PALM2AKAP2: variants seen among roughly 807,000 people sequenced by gnomAD.
The protein encoded by PALM2AKAP2 is PALM2-AKAP2 fusion protein.
A neutral mutation model predicts 71.5 loss-of-function variants in PALM2AKAP2; 37 were observed. The ratio of observed to expected loss-of-function variants is 0.52; its 90% CI spans 0.40 to 0.68. The LOEUF is 0.68. PALM2AKAP2 is among the 30% of genes least tolerant of loss of function. The pLI, the probability that PALM2AKAP2 is intolerant of heterozygous loss-of-function variation, is 0.00. For missense variants in PALM2AKAP2, 1,224 were observed against 1,191.8 expected (o/e 1.03, Z -0.40); for synonymous variants, 468 against 478.8 (o/e 0.98, Z 0.29).
intron 1 of PALM2AKAP2, among the ~76,000 whole-genome samples, chr9:110,061,438 T>C (rs1250127375): frequency 6.6e-6 from 1 of 151,976 alleles, no homozygotes; most frequent in African/African-American, 2.4e-5. Context: ...TTTTTATGTG[T>C]TTTCAGTGAG....
At chr9:109,960,050 C>A (rs72754914) in intron 6 of PALM2AKAP2, among the ~76,000 whole-genome samples, 14,309 of 152,222 alleles carry the variant, frequency 0.094, 811 homozygotes, top group East Asian at 0.16. Flanking sequence ...CCATCACCCC[C>A]CTCCGCGAAA....
chr9:109,720,248 C>A (rs954150984), intron 1 of PALM2AKAP2, among the ~76,000 whole-genome samples: 10 of 152,158 alleles, frequency 6.6e-5, no homozygotes, highest in Non-Finnish European at 1.3e-4. Context: ...CTTGGCTTCC[C>A]AAAGTGCTGG....
intron 1 of PALM2AKAP2, among the ~76,000 whole-genome samples, chr9:109,827,519 A>C (rs1024936317): frequency 1.3e-5 from 2 of 152,002 alleles, no homozygotes; most frequent in Non-Finnish European, 2.9e-5. Flanking sequence ...TGAGGCAGAA[A>C]AATCGCTTGA....
At chr9:110,035,770 T>G (rs1833392063) in intron 7 of PALM2AKAP2, among the ~76,000 whole-genome samples, 1 of 128,206 alleles carries the variant, frequency 7.8e-6, no homozygotes, top group African/African-American at 3.2e-5. Context: ...ATGTTGTATG[T>G]TATATGTAAC....
chr9:109,704,660 G>T (rs1272165681), intron 1 of PALM2AKAP2, among the ~76,000 whole-genome samples: 1 of 152,164 alleles, frequency 6.6e-6, no homozygotes. Flanking sequence ...CCTTTCACCT[G>T]TTGGTGTCAT....
At chr9:109,735,340 A>G (rs573850751) in intron 1 of PALM2AKAP2, among the ~76,000 whole-genome samples, 1 of 151,764 alleles carries the variant, frequency 6.6e-6, no homozygotes, top group African/African-American at 2.4e-5. Context: ...CTGTGTATAT[A>G]TGCACATTCG....
At chr9:110,067,592 G>GT (rs1448171812) in intron 1 of PALM2AKAP2, among the ~76,000 whole-genome samples, 4 of 152,208 alleles carry the variant, frequency 2.6e-5, no homozygotes, top group Non-Finnish European at 2.9e-5. Context: ...TCAATGGCAG[G>GT]TGGGTGTGAA....
At chr9:109,789,255 A>G (rs1460348306) in intron 1 of PALM2AKAP2, among the ~76,000 whole-genome samples, 1 of 152,220 alleles carries the variant, frequency 6.6e-6, no homozygotes, top group Non-Finnish European at 1.5e-5. Flanking sequence ...ATGATGGTGT[A>G]TAGATGAAGA....
chr9:110,039,361 A>G (rs1214208496), intron 7 of PALM2AKAP2, among the ~76,000 whole-genome samples: 1 of 152,204 alleles, frequency 6.6e-6, no homozygotes, highest in African/African-American at 2.4e-5. Context: ...TTTTTGATAG[A>G]AGAAATCACA....
chr9:109,727,239 C>G (rs933818937), intron 1 of PALM2AKAP2, among the ~76,000 whole-genome samples: 1 of 152,122 alleles, frequency 6.6e-6, no homozygotes, highest in African/African-American at 2.4e-5. Flanking sequence ...TGCTTTAAGT[C>G]TTCTTGTGAT....
intron 1 of PALM2AKAP2, among the ~76,000 whole-genome samples, chr9:109,838,520 C>G (rs1196748930): frequency 3.3e-5 from 5 of 152,100 alleles, no homozygotes; most frequent in African/African-American, 1.2e-4. Flanking sequence ...CAAGAAATAA[C>G]TAAGATCAGA....
rs553631302 is a variant in PALM2AKAP2, at chr9:109,906,020, G to A, written c.258-17715G>A. On this transcript the variant is annotated intron_variant, in intron 3 of 9. Coordinates refer to the PALM2AKAP2 transcript ENST00000302798. ...AAAAGAGAAGAAATGGTCAGTTTAC[G>A]TTGCATTTCCTTCTTTTCCTCAAGA... Among the ~76,000 whole-genome samples the A allele has an allele frequency of 4.8e-4, 60 of 125,958 alleles. 1 individual carries two copies. Among genetic ancestry groups the A allele is most frequent in the South Asian group, 4.7e-4 (2 of 4,300 alleles). The allele number at this position is 125,958 out of a possible 152,430, so 82.6% of individuals were successfully genotyped here.
intron 7 of PALM2AKAP2, among the ~76,000 whole-genome samples, chr9:110,027,706 C>T (rs1211355013): frequency 8.5e-5 from 13 of 152,134 alleles, no homozygotes; most frequent in Non-Finnish European, 1.3e-4. Flanking sequence ...ACAGATTATC[C>T]TCCTAGAAGA....
At chr9:109,866,900 C>A (rs1829461972) in intron 1 of PALM2AKAP2, 1 of 393,250 alleles carries the variant, frequency 2.5e-6, no homozygotes, top group Non-Finnish European at 5.1e-6. Flanking sequence ...GCCCCACCCA[C>A]ATGAAATGCT....
At chr9:109,947,998 G>A (rs1831550052) in intron 6 of PALM2AKAP2, among the ~76,000 whole-genome samples, 1 of 152,164 alleles carries the variant, frequency 6.6e-6, no homozygotes, top group Non-Finnish European at 1.5e-5. Context: ...CACAGCAAGA[G>A]CACACAGTTA....
chr9:110,150,176 G>A (rs1836275677), intron 2 of PALM2AKAP2, among the ~76,000 whole-genome samples: 1 of 152,232 alleles, frequency 6.6e-6, no homozygotes, highest in Non-Finnish European at 1.5e-5. Flanking sequence ...GCAGCTGTCT[G>A]CAATCCAGGG....
In PALM2AKAP2 at chr9:110,137,607, A is replaced by G. The variant is rs1393276916; in HGVS notation, c.1637A>G (p.Gln546Arg). ...GATGATGACCATGGGATTTTGGATC[A>G]GTTCTCAAGATCTGTCAATGTCTCC... Residue 546 changes from glutamine to arginine, a missense_variant, in exon 2 of 4, where the codon CAG (glutamine) becomes CGG (arginine). Physicochemically the swap from Gln to Arg is conservative, Grantham distance 43. Coordinates refer to ENST00000374525, the Ensembl canonical transcript of PALM2AKAP2. 1.2e-5 allele frequency: 19 copies of G among 1,614,088 alleles called. No individual in the cohort carries two copies. The Admixed American group carries it at 2.5e-4, about 21-fold the overall frequency.
intron 6 of PALM2AKAP2, among the ~76,000 whole-genome samples, chr9:110,011,542 A>G (rs535429938): frequency 6.6e-6 from 1 of 152,262 alleles, no homozygotes; most frequent in Admixed American, 6.5e-5. Context: ...CCTCCTACCC[A>G]CTGGTCCAAT....
intron 1 of PALM2AKAP2, among the ~76,000 whole-genome samples, chr9:109,860,642 C>G (rs1829284034): frequency 6.6e-6 from 1 of 152,178 alleles, no homozygotes. Flanking sequence ...TCAGCCTTTT[C>G]ATTTTAAACT....
Sources: allele counts gnomAD v4.1 joint callset (sites outside exome capture counted in the v4.1 genomes callset), GRCh38; gene constraint gnomAD v4.1.1; transcripts MANE v1.5; gene names NCBI Gene and HGNC (gene_info 2026-07-23, HGNC 2026-07-21).